ITGBL1: variants seen among roughly 807,000 people sequenced by gnomAD.
The protein encoded by ITGBL1 is integrin subunit beta like 1.
Under a neutral mutation model 68.5 loss-of-function variants are expected in ITGBL1, and 51 were observed. The ratio of observed to expected loss-of-function variants is 0.74; its 90% confidence interval spans 0.59 to 0.94. The LOEUF (loss-of-function observed/expected upper bound fraction) is 0.94. Among genes scored for constraint, ITGBL1 ranks in the 40% least tolerant of loss-of-function variants. The pLI is 0.00. For synonymous variants in ITGBL1, 209 were observed against 227.3 expected, an observed-to-expected ratio of 0.92 and a Z score of 0.72; for missense variants, 649 against 647.4, an observed-to-expected ratio of 1.00 and a Z score of -0.03.
intron 2 of ITGBL1, among the ~76,000 whole-genome samples, chr13:101,487,045 T>A (rs753425370): frequency 6.6e-6 from 1 of 152,244 alleles, no homozygotes; most frequent in Non-Finnish European, 1.5e-5. Context: ...AAACCTTGGA[T>A]TTGTTTTATT....
At chr13:101,527,256 T>C (rs1468285884) in intron 2 of ITGBL1, among the ~76,000 whole-genome samples, 2 of 152,122 alleles carry the variant, frequency 1.3e-5, no homozygotes, top group African/African-American at 4.8e-5. Context: ...ACTATTCATC[T>C]CTCCTTCCAT....
chr13:101,650,091 G>C (rs956561773), intron 7 of ITGBL1, among the ~76,000 whole-genome samples: 4 of 152,140 alleles, frequency 2.6e-5, no homozygotes, highest in African/African-American at 9.7e-5. Flanking sequence ...TTCTGAAAAT[G>C]CATTGTCCTC....
At chr13:101,481,087 T>TAC (rs2048615815) in intron 2 of ITGBL1, among the ~76,000 whole-genome samples, 1 of 84,984 alleles carries the variant, frequency 1.2e-5, no homozygotes, top group Non-Finnish European at 2.4e-5. Flanking sequence ...TATACACACA[T>TAC]ATATATACAC....
intron 7 of ITGBL1, among the ~76,000 whole-genome samples, chr13:101,689,755 G>T (rs1351439483): frequency 2.0e-5 from 3 of 152,132 alleles, no homozygotes; most frequent in Non-Finnish European, 2.9e-5. Context: ...GTATATGTTT[G>T]TGGGAGACAT....
At chr13:101,604,936 A>C in intron 7 of ITGBL1, among the ~76,000 whole-genome samples, 1 of 108,870 alleles carries the variant, frequency 9.2e-6, no homozygotes, top group East Asian at 2.9e-4. Context: ...ATATATACGC[A>C]TGTATATATG....
At chr13:101,626,954 CA>C (rs2031802360) in intron 7 of ITGBL1, among the ~76,000 whole-genome samples, 1 of 152,136 alleles carries the variant, frequency 6.6e-6, no homozygotes, top group Non-Finnish European at 1.5e-5. Flanking sequence ...GACTAGGAGG[CA>C]GAAGATCTGA....
At chr13:101,563,232 C>T (rs2050129177) in intron 2 of ITGBL1, among the ~76,000 whole-genome samples, 1 of 149,512 alleles carries the variant, frequency 6.7e-6, no homozygotes, top group South Asian at 2.1e-4. Flanking sequence ...TACTTCTACC[C>T]TAGAAAATAG....
rs368518248 is a variant in ITGBL1 at position 101,688,706 on chromosome 13, G to A, written c.1016-3879G>A. 9.5e-4 allele frequency among the ~76,000 whole-genome samples: 145 copies of A among 152,242 alleles called. 6 individuals carry two copies. In the South Asian group the frequency reaches 0.026, roughly 28 times the overall value. Reference sequence around the variant, plus strand: ...TGTGAATACAGATGATGAATTTGTCGTGGGACATATTTAATTGATCTGACC... The same window carrying A: ...TGTGAATACAGATGATGAATTTGTCATGGGACATATTTAATTGATCTGACC... On this transcript the variant is annotated intron_variant, in intron 7 of 10. Transcript: ENST00000376180.
intron 7 of ITGBL1, among the ~76,000 whole-genome samples, chr13:101,682,887 A>G (rs2033676213): frequency 6.6e-6 from 1 of 152,018 alleles, no homozygotes; most frequent in African/African-American, 2.4e-5. Flanking sequence ...TTCTCACCCA[A>G]GTGTTATGAA....
At chr13:101,628,757 T>A (rs992710546) in intron 7 of ITGBL1, among the ~76,000 whole-genome samples, 2 of 151,990 alleles carry the variant, frequency 1.3e-5, no homozygotes, top group East Asian at 1.9e-4. Flanking sequence ...GATATTTCAA[T>A]GCTTTTTACA....
chr13:101,468,947 T>G (rs1029554704), intron 2 of ITGBL1, among the ~76,000 whole-genome samples: 2 of 152,228 alleles, frequency 1.3e-5, no homozygotes, highest in African/African-American at 4.8e-5. Context: ...AACCTAATTT[T>G]TCTTGTCTAT....
At chr13:101,610,346 G>A (rs1378545029) in intron 7 of ITGBL1, among the ~76,000 whole-genome samples, 1 of 152,038 alleles carries the variant, frequency 6.6e-6, no homozygotes, top group African/African-American at 2.4e-5. Flanking sequence ...CCTTTGTGTA[G>A]CCTGTAGAGT....
intron 2 of ITGBL1, among the ~76,000 whole-genome samples, chr13:101,508,559 A>C (rs1369186696): frequency 1.3e-5 from 2 of 152,164 alleles, no homozygotes; most frequent in Non-Finnish European, 2.9e-5. Flanking sequence ...TTTCATATTT[A>C]AATATTTGCT....
intron 2 of ITGBL1, among the ~76,000 whole-genome samples, chr13:101,467,268 G>A (rs1263694119): frequency 6.6e-6 from 1 of 152,102 alleles, no homozygotes; most frequent in Admixed American, 6.6e-5. Flanking sequence ...TCACATCAGT[G>A]GGACGGGGAT....
intron 7 of ITGBL1, among the ~76,000 whole-genome samples, chr13:101,636,135 T>C (rs2139419406): frequency 6.6e-6 from 1 of 152,266 alleles, no homozygotes; most frequent in Non-Finnish European, 1.5e-5. Flanking sequence ...TTTCAGAATA[T>C]GTTCCTCTTT....
At chr13:101,719,017 A>C (rs1295556868), downstream of ITGBL1, 1 of 152,070 alleles carries the variant, frequency 6.6e-6, no homozygotes, top group African/African-American at 2.4e-5. Context: ...CTTTCCCTTG[A>C]TATAGCCTTG....
At chr13:101,606,438 G>A (rs1024404304) in intron 7 of ITGBL1, among the ~76,000 whole-genome samples, 3 of 151,390 alleles carry the variant, frequency 2.0e-5, no homozygotes, top group African/African-American at 7.3e-5. Context: ...TCCTAATTTC[G>A]GTTCCTGGGA....
intron 8 of ITGBL1, among the ~76,000 whole-genome samples, chr13:101,704,013 G>A (rs2034195732): frequency 6.6e-6 from 1 of 152,148 alleles, no homozygotes; most frequent in Admixed American, 6.5e-5. Flanking sequence ...GGAGGGGACG[G>A]GAGAGACCAT....
At chr13:101,719,185 AAAGAAT>A (rs1204534791), downstream of ITGBL1, 16 of 152,132 alleles carry the variant, frequency 1.1e-4, no homozygotes, top group African/African-American at 2.9e-4. Context: ...TAACTTACTT[AAAGAAT>A]AAGTTTTTGG....
Sources: allele counts gnomAD v4.1 joint callset (sites outside exome capture counted in the v4.1 genomes callset), GRCh38; gene constraint gnomAD v4.1.1; transcripts MANE v1.5; gene names NCBI Gene and HGNC (gene_info 2026-07-23, HGNC 2026-07-21).